MYO16: variants seen among roughly 807,000 people sequenced by gnomAD.
MYO16 encodes unconventional myosin-XVI.
Under a neutral mutation model 205.3 loss-of-function variants are expected in MYO16, and 94 were observed. The ratio of observed to expected loss-of-function variants is 0.46; its 90% CI spans 0.39 to 0.54. MYO16 has a LOEUF of 0.54. Among genes scored for constraint, MYO16 ranks in the 20% least tolerant of loss-of-function variants. MYO16 has a pLI of 0.00. For synonymous variants in MYO16, 988 were observed against 954.0 expected (o/e 1.04, Z -0.66); for missense variants, 2,315 against 2,387.5 (o/e 0.97, Z 0.63).
At chr13:108,563,996 C>T in the MYO16 span, among the ~76,000 whole-genome samples, 4 of 152,118 alleles carry the variant, frequency 2.6e-5, no homozygotes, top group African/African-American at 9.7e-5. Flanking sequence ...CACATTCTTG[C>T]CAGCATTTGT....
At chr13:108,683,591 C>G (rs1262605954) in intron 2 of MYO16, among the ~76,000 whole-genome samples, 2 of 152,148 alleles carry the variant, frequency 1.3e-5, no homozygotes, top group African/African-American at 4.8e-5. Context: ...ATTGTGGAAG[C>G]CATTTTTGAA....
chr13:108,614,278 A>G (rs1242025134), intron 1 of MYO16, among the ~76,000 whole-genome samples: 1 of 152,112 alleles, frequency 6.6e-6, no homozygotes, highest in Admixed American at 6.6e-5. Flanking sequence ...GAACAAGTGC[A>G]TGATTTGTAC....
chr13:109,101,235 A>G (rs1316217523), intron 28 of MYO16: 2 of 197,382 alleles, frequency 1.0e-5, no homozygotes, highest in Non-Finnish European at 2.1e-5. Flanking sequence ...TTGAAGAACT[A>G]AGGTTGATTT....
At chr13:108,748,622 G>C (rs1053800551) in intron 4 of MYO16, among the ~76,000 whole-genome samples, 4 of 152,040 alleles carry the variant, frequency 2.6e-5, no homozygotes, top group African/African-American at 7.2e-5. Flanking sequence ...TGAAAGAATA[G>C]AAGGCTTTCA....
rs1007453198 is a variant in MYO16, at chr13:108,785,715, T to C, written c.588T>C (p.Ser196=). ...DYAVEGTESS[S]ILLTYLDENG... is the part of the protein sequence containing the mutation. ...CTGTAGAAGGGACAGAATCCAGCTC[T>C]ATCCTGTTGACCTATCTGGATGAAA... Residue 196 remains serine (S), a synonymous_variant, in exon 5 of 35, where the codon TCT becomes TCC. Transcript: ENST00000457511. 7 of 1,611,998 alleles carry C rather than the reference T, an allele frequency of 4.3e-6. No homozygotes were observed. Among genetic ancestry groups the C allele is most frequent in the Non-Finnish European group, 5.9e-6 (7 of 1,178,974 alleles).
At chr13:108,524,570 A>G in the MYO16 span, among the ~76,000 whole-genome samples, 1 of 152,118 alleles carries the variant, frequency 6.6e-6, no homozygotes, top group Non-Finnish European at 1.5e-5. Flanking sequence ...CTTTATAGCA[A>G]TGTAAGAACT....
intron 4 of MYO16, among the ~76,000 whole-genome samples, chr13:108,769,744 G>A (rs1197671229): frequency 6.6e-6 from 1 of 152,112 alleles, no homozygotes; most frequent in East Asian, 1.9e-4. Flanking sequence ...GGCCAAACTC[G>A]CCGATTGATT....
At chr13:109,173,950 G>T (rs537357487) in intron 33 of MYO16, among the ~76,000 whole-genome samples, 5 of 147,012 alleles carry the variant, frequency 3.4e-5, no homozygotes, top group Non-Finnish European at 4.5e-5. Flanking sequence ...GTTTTGATGG[G>T]GGGGGGTACT....
rs1885946004 is a variant in MYO16 at position 109,019,469 on chromosome 13, A to G, written c.2596-242A>G. Among the ~76,000 whole-genome samples the G allele has an allele frequency of 1.3e-5, 2 of 152,202 alleles. 1 individual carries two copies. Among genetic ancestry groups the G allele is most frequent in the South Asian group, 4.1e-4 (2 of 4,828 alleles). On this transcript the variant is annotated intron_variant, in intron 22 of 34. Coordinates refer to ENST00000457511, the MANE Select transcript of MYO16 (RefSeq NM_001198950.3). ...TAAATAACTACAGTATTTTAATGACATTACAATACGTTTTTTACTTATTTG... is the reference window on the plus strand; with the variant it reads ...TAAATAACTACAGTATTTTAATGACGTTACAATACGTTTTTTACTTATTTG...
At chr13:108,979,460 C>T (rs997861624) in intron 20 of MYO16, among the ~76,000 whole-genome samples, 2 of 152,040 alleles carry the variant, frequency 1.3e-5, no homozygotes, top group Non-Finnish European at 2.9e-5. Context: ...AAATTTGACA[C>T]ACCATGTTTT....
rs182746223 is a variant in MYO16, at chr13:108,846,895, A to G, written c.1248+2402A>G. 2.6e-5 allele frequency among the ~76,000 whole-genome samples: 4 copies of G among 152,304 alleles called. No individual in the cohort carries two copies. In the East Asian group the frequency reaches 5.8e-4, roughly 22 times the overall value. Reference sequence around the variant, plus strand: ...TTTTGAATGCAATTATTGATATGGCATGACTTTTAGTCAATGTGTATATGT... The same window carrying G: ...TTTTGAATGCAATTATTGATATGGCGTGACTTTTAGTCAATGTGTATATGT... On this transcript the variant is annotated intron_variant, in intron 10 of 34. Transcript: ENST00000457511.
At chr13:108,807,416 C>T (rs931203683) in intron 7 of MYO16, among the ~76,000 whole-genome samples, 1 of 150,790 alleles carries the variant, frequency 6.6e-6, no homozygotes, top group Non-Finnish European at 1.5e-5. Flanking sequence ...TTCAAACAAA[C>T]AAGAACATTG....
At chr13:109,025,243 C>T (rs767650432) in intron 23 of MYO16, among the ~76,000 whole-genome samples, 3 of 152,204 alleles carry the variant, frequency 2.0e-5, no homozygotes, top group Non-Finnish European at 4.4e-5. Context: ...TCCAGCCCCA[C>T]CTGGAGGGAC....
the MYO16 span, among the ~76,000 whole-genome samples, chr13:108,498,165 C>T: frequency 6.6e-6 from 1 of 152,110 alleles, no homozygotes; most frequent in Non-Finnish European, 1.5e-5. Flanking sequence ...ATGTGTTTGC[C>T]CTTTCCGGAT....
intron 4 of MYO16, among the ~76,000 whole-genome samples, chr13:108,770,388 G>T (rs1885922187): frequency 6.6e-6 from 1 of 151,996 alleles, no homozygotes; most frequent in South Asian, 2.1e-4. Context: ...TTTTATAAAA[G>T]CAAATTATAT....
At chr13:108,792,726 G>C (rs1207423237) in intron 5 of MYO16, among the ~76,000 whole-genome samples, 2 of 151,958 alleles carry the variant, frequency 1.3e-5, no homozygotes, top group African/African-American at 4.8e-5. Context: ...TGGCCAGGCT[G>C]GTCTTCAGCT....
chr13:108,526,189 AC>A, the MYO16 span, among the ~76,000 whole-genome samples: 2 of 152,292 alleles, frequency 1.3e-5, no homozygotes, highest in East Asian at 3.9e-4. Flanking sequence ...TGTTACAGAT[AC>A]TATATCTGAT....
intron 1 of MYO16, among the ~76,000 whole-genome samples, chr13:108,659,685 T>C (rs1418772946): frequency 6.6e-6 from 1 of 152,162 alleles, no homozygotes; most frequent in African/African-American, 2.4e-5. Flanking sequence ...ACATGTTAAG[T>C]GCTGGATTAG....
intron 1 of MYO16, among the ~76,000 whole-genome samples, chr13:108,665,352 T>C (rs1881678336): frequency 6.6e-6 from 1 of 152,128 alleles, no homozygotes; most frequent in South Asian, 2.1e-4. Flanking sequence ...CTTCAAGTGA[T>C]CCTCCTGTCT....
Sources: allele counts gnomAD v4.1 joint callset (sites outside exome capture counted in the v4.1 genomes callset), GRCh38; gene constraint gnomAD v4.1.1; transcripts MANE v1.5; gene names NCBI Gene and HGNC (gene_info 2026-07-23, HGNC 2026-07-21).